Variants in KDM6A observed in about 807,000 individuals in gnomAD.
The protein encoded by KDM6A is lysine-specific demethylase 6A.
KDM6A carries 11 observed loss-of-function variants against 117.6 expected under a neutral mutation model. The observed-to-expected ratio is 0.09, with a 90% CI of 0.06 to 0.15. KDM6A has a LOEUF of 0.15. Ranked by LOEUF, KDM6A falls within the 10% of genes least tolerant of loss-of-function variation. The pLI is 1.00. For missense variants in KDM6A, 799 were observed against 1,077.3 expected (o/e 0.74, Z 3.62); for synonymous variants, 384 against 396.1 (o/e 0.97, Z 0.36).
chrX:45,055,417 A>G (rs947233409), intron 10 of KDM6A, among the ~76,000 whole-genome samples: 5 of 111,457 alleles, frequency 4.5e-5, no homozygotes, highest in Non-Finnish European at 9.4e-5. Flanking sequence ...CATTATTAAC[A>G]TACAATAAGA....
intron 6 of KDM6A, among the ~76,000 whole-genome samples, chrX:45,027,662 A>C (rs2042432676): frequency 9.0e-6 from 1 of 111,407 alleles, no homozygotes; most frequent in South Asian, 3.8e-4. Flanking sequence ...AGAACATGGG[A>C]CCGGGAAGGG....
At chrX:45,043,798 T>C (rs767822559) in intron 8 of KDM6A, among the ~76,000 whole-genome samples, 1 of 111,433 alleles carries the variant, frequency 9.0e-6, no homozygotes, top group East Asian at 2.8e-4. Context: ...ATGATTCTCA[T>C]AGGTTTCTAT....
chrX:45,050,294 C>G (rs1056047021), intron 8 of KDM6A, among the ~76,000 whole-genome samples: 10 of 112,514 alleles, frequency 8.9e-5, no homozygotes, highest in African/African-American at 2.9e-4. Flanking sequence ...GAACTGAGAT[C>G]GTGCCATTGC....
chrX:44,990,829 T>C (rs893407005), intron 4 of KDM6A, among the ~76,000 whole-genome samples: 3 of 112,186 alleles, frequency 2.7e-5, no homozygotes, highest in African/African-American at 9.7e-5. Context: ...GGATTTTCTC[T>C]GTAGACTATC....
chrX:45,042,217 G>C (rs1291187558), intron 8 of KDM6A, among the ~76,000 whole-genome samples: 1 of 93,196 alleles, frequency 1.1e-5, no homozygotes, highest in African/African-American at 4.3e-5. Flanking sequence ...GTCCAGCTTC[G>C]GCTCGGCATC....
At chrX:44,940,778 G>A (rs887757703) in intron 2 of KDM6A, among the ~76,000 whole-genome samples, 4 of 112,046 alleles carry the variant, frequency 3.6e-5, no homozygotes, top group African/African-American at 9.7e-5. Context: ...ACTCACGCCT[G>A]TAATTCCAGC....
At chrX:44,877,099 G>A (rs1024204219) in intron 2 of KDM6A, among the ~76,000 whole-genome samples, 2 of 111,403 alleles carry the variant, frequency 1.8e-5, no homozygotes, top group African/African-American at 3.3e-5. Flanking sequence ...GTATGTATAC[G>A]TATGTACATA....
At chrX:45,081,121 G>A (rs140897627) in intron 21 of KDM6A, among the ~76,000 whole-genome samples, 4,260 of 111,361 alleles carry the variant, frequency 0.038, 215 homozygotes, top group African/African-American at 0.13. Context: ...TAGTAGAGAC[G>A]GGGTTTCTCC....
intron 2 of KDM6A, among the ~76,000 whole-genome samples, chrX:44,902,700 C>T (rs950874390): frequency 1.8e-5 from 2 of 112,067 alleles, no homozygotes; most frequent in Non-Finnish European, 3.8e-5. Flanking sequence ...TTTACATTAT[C>T]TTTTATATTT....
intron 2 of KDM6A, among the ~76,000 whole-genome samples, chrX:44,885,522 A>G (rs2032777160): frequency 9.0e-6 from 1 of 110,711 alleles, no homozygotes; most frequent in Non-Finnish European, 1.9e-5. Flanking sequence ...CTTTGGCAGT[A>G]CATATACTAA....
chrX:44,885,679 G>A (rs753044624), intron 2 of KDM6A, among the ~76,000 whole-genome samples: 8 of 110,446 alleles, frequency 7.2e-5, no homozygotes, highest in African/African-American at 2.3e-4. Context: ...GACCAGCCTG[G>A]CCAACATAGT....
chrX:44,972,910 C>T (rs1332072777), intron 3 of KDM6A, among the ~76,000 whole-genome samples: 1 of 110,092 alleles, frequency 9.1e-6, no homozygotes, highest in Non-Finnish European at 1.9e-5. Context: ...TGGCACGCGC[C>T]TGTAATCCCA....
At chrX:44,993,289 T>C (rs1173384175) in intron 4 of KDM6A, among the ~76,000 whole-genome samples, 1 of 112,139 alleles carries the variant, frequency 8.9e-6, no homozygotes, top group Non-Finnish European at 1.9e-5. Context: ...TAATGAAATT[T>C]TTTCACTTAA....
At chrX:44,975,090 G>A (rs1280584839) in intron 4 of KDM6A, among the ~76,000 whole-genome samples, 8 of 111,795 alleles carry the variant, frequency 7.2e-5, no homozygotes, top group Admixed American at 9.5e-5. Flanking sequence ...ATGGGAAGGT[G>A]TAATGGGAAA....
intron 2 of KDM6A, among the ~76,000 whole-genome samples, chrX:44,877,535 G>T (rs1055903634): frequency 2.0e-5 from 2 of 99,842 alleles, no homozygotes; most frequent in South Asian, 4.4e-4. Context: ...AACCTTTTGG[G>T]TTTTTTTTTT....
At chrX:45,078,306 A>C in intron 19 of KDM6A, 94 bp from the exon 20 acceptor site, 2 of 871,549 alleles carry the variant, frequency 2.3e-6, no homozygotes, top group Non-Finnish European at 3.3e-6. Flanking sequence ...TGCGTTATTT[A>C]AATTGTGAAA....
intron 5 of KDM6A, among the ~76,000 whole-genome samples, chrX:45,019,900 T>G (rs1379822882): frequency 2.7e-5 from 3 of 111,806 alleles, no homozygotes; most frequent in Non-Finnish European, 5.7e-5. Flanking sequence ...CTATTGGTGA[T>G]CAAAACCTTT....
At chrX:44,912,032 G>A (rs1367767864) in intron 2 of KDM6A, among the ~76,000 whole-genome samples, 2 of 104,295 alleles carry the variant, frequency 1.9e-5, no homozygotes, top group Non-Finnish European at 4.0e-5. Flanking sequence ...GAGGGAGAGG[G>A]AGAGAGGGGG....
At chrX:44,990,187 A>C (rs2040492247) in intron 4 of KDM6A, among the ~76,000 whole-genome samples, 1 of 112,109 alleles carries the variant, frequency 8.9e-6, no homozygotes, top group African/African-American at 3.2e-5. Context: ...GATAAAGTTA[A>C]ATAAAACACA....
Sources: allele counts gnomAD v4.1 joint callset (sites outside exome capture counted in the v4.1 genomes callset), GRCh38; gene constraint gnomAD v4.1.1; transcripts MANE v1.5; gene names NCBI Gene and HGNC (gene_info 2026-07-23, HGNC 2026-07-21).